Variants in IGF1 observed in about 807,000 individuals in gnomAD.
The protein encoded by IGF1 is insulin like growth factor 1.
In IGF1, 4 loss-of-function variants were observed where a neutral mutation model predicts 13.8. That is an observed-to-expected ratio of 0.29 (90% CI 0.14 to 0.66). The LOEUF (loss-of-function observed/expected upper bound fraction) is 0.66, where lower values mean the gene tolerates loss of function less well. Ranked by LOEUF, IGF1 falls within the 30% of genes least tolerant of loss-of-function variation. IGF1 has a pLI of 0.78. For synonymous variants in IGF1, 76 were observed against 72.6 expected (o/e 1.05, Z -0.23); for missense variants, 124 against 188.5 (o/e 0.66, Z 2.00).
chr12:102,448,689 T>TAAAAAAAAA (rs58794507), intron 2 of IGF1, among the ~76,000 whole-genome samples: 2 of 110,308 alleles, frequency 1.8e-5, no homozygotes, highest in East Asian at 3.1e-4. Context: ...TAGAGTATAA[T>TAAAAAAAAA]AAAAAAAAAA....
intron 1 of IGF1, chr12:102,478,476 A>G: frequency 6.3e-7 from 1 of 1,596,182 alleles, no homozygotes; most frequent in Non-Finnish European, 8.5e-7. Flanking sequence ...CAGTCATAAG[A>G]AAATACTCAC....
chr12:102,468,541 G>A (rs1158148347), intron 2 of IGF1, among the ~76,000 whole-genome samples: 7 of 152,218 alleles, frequency 4.6e-5, no homozygotes, highest in Non-Finnish European at 1.0e-4. Flanking sequence ...ACTGCAGTTA[G>A]GGAATTGCTT....
rs17879563 is a variant in IGF1, at chr12:102,411,475, C to A, written c.402+8034G>T. On this transcript the variant is annotated intron_variant, in intron 3 of 3. Transcript: ENST00000337514. Reference sequence around the variant, plus strand: ...CTCTTGGTGCTGGCTAGACAGAAAGCCCCAAGTGAATGTTTATACATTGTA... The same window carrying A: ...CTCTTGGTGCTGGCTAGACAGAAAGACCCAAGTGAATGTTTATACATTGTA... Among the ~76,000 whole-genome samples the A allele has an allele frequency of 3.0e-3, 460 of 152,290 alleles. 4 individuals carry two copies. Among genetic ancestry groups the A allele is most frequent in the African/African-American group, 0.01 (427 of 41,560 alleles).
chr12:102,440,522 C>T (rs980140992), intron 2 of IGF1, among the ~76,000 whole-genome samples: 10 of 152,174 alleles, frequency 6.6e-5, no homozygotes, highest in South Asian at 2.1e-4. Flanking sequence ...TCTTTTTCCA[C>T]GGGACTAAAA....
intron 2 of IGF1, among the ~76,000 whole-genome samples, chr12:102,441,167 AACCAAAGTCAATCTTTGCCATTG>A (rs1467400245): frequency 3.3e-5 from 5 of 152,244 alleles, no homozygotes; most frequent in East Asian, 1.9e-4. Context: ...GTGTCTCTGA[AACCAAAGTCAATCTTTGCCATTG>A]ACCAAAGTCA....
At chr12:102,453,051 T>C (rs1879099856) in intron 2 of IGF1, among the ~76,000 whole-genome samples, 2 of 152,230 alleles carry the variant, frequency 1.3e-5, no homozygotes, top group South Asian at 4.1e-4. Flanking sequence ...AGCTGAGAAC[T>C]TTATCAGAAT....
chr12:102,480,537 G>A lies in IGF1; in HGVS notation c.-156C>T, dbSNP rs940147176. ...GGCTCTATCTGCTCTGAATTTAGCA[G>A]TGACAGTGAGATTTAGCAAACAGAA... On this transcript the variant is annotated 5_prime_UTR_variant, in exon 1 of 4. Coordinates refer to ENST00000337514, the MANE Select transcript of IGF1 (RefSeq NM_000618.5). The A allele has an allele frequency of 4.7e-6, 7 of 1,495,096 alleles. No individual in the cohort carries two copies. Among genetic ancestry groups the A allele is most frequent in the Middle Eastern group, 2.1e-4 (1 of 4,772 alleles). The allele number at this position is 1,495,096 out of a possible 1,614,324, so 92.6% of individuals were successfully genotyped here.
chr12:102,432,417 A>T (rs1335982399), intron 2 of IGF1, among the ~76,000 whole-genome samples: 1 of 152,214 alleles, frequency 6.6e-6, no homozygotes, highest in African/African-American at 2.4e-5. Flanking sequence ...ATTCCAAGGA[A>T]TGGAATTACT....
intron 2 of IGF1, among the ~76,000 whole-genome samples, chr12:102,430,297 A>T (rs1260864251): frequency 6.6e-6 from 1 of 152,122 alleles, no homozygotes; most frequent in Non-Finnish European, 1.5e-5. Flanking sequence ...TGTAACCCCA[A>T]TGGGAAGCCT....
At chr12:102,444,397 A>T (rs1878135879) in intron 2 of IGF1, among the ~76,000 whole-genome samples, 1 of 152,038 alleles carries the variant, frequency 6.6e-6, no homozygotes, top group Admixed American at 6.5e-5. Context: ...ACAATACTAG[A>T]CTGCAACAGG....
chr12:102,473,074 C>T (rs965256736), intron 2 of IGF1, among the ~76,000 whole-genome samples: 2 of 152,132 alleles, frequency 1.3e-5, no homozygotes, highest in African/African-American at 2.4e-5. Context: ...GTTCAACAAT[C>T]AAATATGGGC....
In IGF1 at chr12:102,464,947, A is replaced by G. The variant is rs530542527; in HGVS notation, c.220+10696T>C. 1.8e-4 allele frequency among the ~76,000 whole-genome samples: 27 copies of G among 152,276 alleles called. No individual in the cohort carries two copies. The South Asian group carries it at 5.0e-3, about 28-fold the overall frequency. ...TGTGATATCTCTCAGTGACTACCCA[A>G]TCACCTCGTGGGGAACAAAGTCTTT... On this transcript the variant is annotated intron_variant, in intron 2 of 3. Coordinates refer to ENST00000337514, the MANE Select transcript of IGF1 (RefSeq NM_000618.5).
rs146151621 is a variant in IGF1 at position 102,459,983 on chromosome 12, C to G, written c.220+15660G>C. On this transcript the variant is annotated intron_variant, in intron 2 of 3. Transcript: ENST00000337514. Reference sequence around the variant, plus strand: ...TCTTGCATATTTGGAGCAGGAGTGGCATAGGTCAATGTATGCTGAGCCAGA... The same window carrying G: ...TCTTGCATATTTGGAGCAGGAGTGGGATAGGTCAATGTATGCTGAGCCAGA... Among the ~76,000 whole-genome samples the G allele has an allele frequency of 1.3e-3, 197 of 152,260 alleles. 1 individual carries two copies. Among genetic ancestry groups the G allele is most frequent in the African/African-American group, 4.4e-3 (184 of 41,562 alleles).
intron 2 of IGF1, among the ~76,000 whole-genome samples, chr12:102,465,984 T>G (rs540998689): frequency 3.0e-4 from 36 of 120,700 alleles, no homozygotes; most frequent in Non-Finnish European, 4.5e-4. Flanking sequence ...AATAAATAAA[T>G]AAAGATAACC....
chr12:102,404,723 G>A (rs771356833), intron 3 of IGF1, among the ~76,000 whole-genome samples: 43 of 151,588 alleles, frequency 2.8e-4, no homozygotes, highest in Non-Finnish European at 4.4e-4. Flanking sequence ...AGCATCTACT[G>A]CTAAGTTCCC....
intron 3 of IGF1, among the ~76,000 whole-genome samples, chr12:102,414,727 A>G (rs937253443): frequency 6.6e-6 from 1 of 152,116 alleles, no homozygotes; most frequent in Admixed American, 6.6e-5. Flanking sequence ...CCCAGCCTTA[A>G]GGACTATATT....
chr12:102,470,842 G>T (rs1389806710), intron 2 of IGF1, among the ~76,000 whole-genome samples: 1 of 152,134 alleles, frequency 6.6e-6, no homozygotes, highest in Non-Finnish European at 1.5e-5. Context: ...TTTTGGTGAA[G>T]GTTTAGAAAC....
chr12:102,435,924 C>T (rs1877185702), intron 2 of IGF1, among the ~76,000 whole-genome samples: 1 of 152,180 alleles, frequency 6.6e-6, no homozygotes, highest in Non-Finnish European at 1.5e-5. Flanking sequence ...TGCCTGTGTG[C>T]AATATCAACT....
At chr12:102,474,032 A>T (rs1298682842) in intron 2 of IGF1, among the ~76,000 whole-genome samples, 1 of 152,212 alleles carries the variant, frequency 6.6e-6, no homozygotes, top group Non-Finnish European at 1.5e-5. Context: ...AGGAAATTGC[A>T]CAAATGGATT....
Sources: allele counts gnomAD v4.1 joint callset (sites outside exome capture counted in the v4.1 genomes callset), GRCh38; gene constraint gnomAD v4.1.1; transcripts MANE v1.5; gene names NCBI Gene and HGNC (gene_info 2026-07-23, HGNC 2026-07-21).